The following SLC30A7 variants were observed in gnomAD, a reference collection of about 807,000 sequenced individuals.
The protein encoded by SLC30A7 is solute carrier family 30 member 7, also known as zinc transporter 7.
SLC30A7 carries 35 observed loss-of-function variants against 46.0 expected under a neutral mutation model. That is an observed-to-expected ratio of 0.76 (90% CI 0.58 to 1.01). SLC30A7 has a LOEUF of 1.01. Ranked by LOEUF, SLC30A7 falls within the 50% of genes least tolerant of loss-of-function variation. The pLI is 0.00. For missense variants in SLC30A7, 464 were observed against 451.1 expected (o/e 1.03, Z -0.26); for synonymous variants, 147 against 157.8 (o/e 0.93, Z 0.51).
intron 8 of SLC30A7, among the ~76,000 whole-genome samples, chr1:100,950,730 A>T (rs2101070011): frequency 6.6e-6 from 1 of 152,338 alleles, no homozygotes; most frequent in African/African-American, 2.4e-5. Context: ...CCACAAAGTC[A>T]CTTTTATAAC....
rs977625888 is a variant in SLC30A7, at chr1:100,979,067, A to G, written c.*4210A>G. On this transcript the variant is annotated 3_prime_UTR_variant, in exon 11 of 11. Transcript: ENST00000357650. ...CACTGGAAAAGCTTTTGCATTTTAA[A>G]GATTTTTAGAGCCATGCAAAACTGG... The G allele has an allele frequency of 9.2e-5, 14 of 152,154 alleles. No homozygotes were observed. Among genetic ancestry groups the G allele is most frequent in the Non-Finnish European group, 1.9e-4 (13 of 68,014 alleles). 9.4% of individuals were successfully genotyped at this position (152,154 alleles called of 1,614,324 possible). A position where few individuals can be genotyped will look rare whatever the true frequency, so the allele number is the denominator to read the frequency against.
At chr1:100,905,439 T>A (rs530207186) in intron 2 of SLC30A7, among the ~76,000 whole-genome samples, 1 of 152,246 alleles carries the variant, frequency 6.6e-6, no homozygotes, top group African/African-American at 2.4e-5. Flanking sequence ...TATTTTCTTT[T>A]ATGAATTTCA....
In SLC30A7 at chr1:100,932,683, G is replaced by T. The variant is rs190373418; in HGVS notation, c.842+10842G>T. ...TAGGTTCATTTAAGGAAACTTACTG[G>T]GAGTGTGTTAGAGTGTTCTAGAGAA... On this transcript the variant is annotated intron_variant, in intron 8 of 10. Transcript: ENST00000357650. 1.2e-4 allele frequency among the ~76,000 whole-genome samples: 19 copies of T among 152,218 alleles called. No individual in the cohort carries two copies. In the East Asian group the frequency reaches 2.5e-3, roughly 20 times the overall value.
At chr1:100,952,949 G>A (rs1038827030) in intron 8 of SLC30A7, among the ~76,000 whole-genome samples, 9 of 152,166 alleles carry the variant, frequency 5.9e-5, no homozygotes, top group African/African-American at 1.9e-4. Context: ...TTGGATTTGT[G>A]TCCCTACTCA....
chr1:100,902,548 T>C (rs1445147892), intron 2 of SLC30A7, among the ~76,000 whole-genome samples: 8 of 152,182 alleles, frequency 5.3e-5, no homozygotes, highest in Admixed American at 5.2e-4. Context: ...CAGAAATTTA[T>C]TGTCTCACAG....
In SLC30A7 at chr1:100,896,240, C is replaced by T. The variant is rs746802781; in HGVS notation, c.-23C>T. ...AGCCACTTCTAGAGGGGAGTAGACC[C>T]GGCCCTTCGCCGGGCAGAGAAGATG... On this transcript the variant is annotated 5_prime_UTR_variant, in exon 1 of 11. Coordinates refer to ENST00000357650, the MANE Select transcript of SLC30A7 (RefSeq NM_133496.5). 7 of 1,612,450 alleles carry T rather than the reference C, an allele frequency of 4.3e-6. No individual in the cohort carries two copies. In the South Asian group the frequency reaches 6.6e-5, roughly 15 times the overall value.
chr1:100,916,692 T>TATTC (rs1216058901), intron 6 of SLC30A7, among the ~76,000 whole-genome samples: 5 of 149,800 alleles, frequency 3.3e-5, no homozygotes, highest in Non-Finnish European at 5.9e-5. Flanking sequence ...TAGTAAATCT[T>TATTC]ATTCATTCAT....
rs954806242 is a variant in SLC30A7 at position 100,916,180 on chromosome 1, A to ATTAT, written c.656-1878_656-1875dup. Among the ~76,000 whole-genome samples, 71 of 150,388 alleles carry ATTAT rather than the reference A, an allele frequency of 4.7e-4. No individual in the cohort carries two copies. In the East Asian group the frequency reaches 0.01, roughly 22 times the overall value. ...GGGTACATAGTAGCTGTATATTCTTATTATTTATTTATTTATTTATTTTTG... is the reference window on the plus strand; with the variant it reads ...GGGTACATAGTAGCTGTATATTCTTATTATTTATTTATTTATTTATTTATTTTTG... On this transcript the variant is annotated intron_variant, in intron 6 of 10. Coordinates refer to ENST00000357650, the MANE Select transcript of SLC30A7 (RefSeq NM_133496.5).
chr1:100,962,766 A>C (rs989775653), intron 9 of SLC30A7, among the ~76,000 whole-genome samples: 7 of 152,230 alleles, frequency 4.6e-5, no homozygotes, highest in African/African-American at 1.7e-4. Context: ...TATGAAGAGA[A>C]CATATTCTAG....
intron 6 of SLC30A7, among the ~76,000 whole-genome samples, chr1:100,916,903 G>A (rs1434328373): frequency 6.6e-6 from 1 of 151,822 alleles, no homozygotes; most frequent in Non-Finnish European, 1.5e-5. Flanking sequence ...TTAAAATCAG[G>A]TTATTTATTT....
chr1:100,965,306 A>T (rs1464490007), intron 9 of SLC30A7, among the ~76,000 whole-genome samples: 2 of 152,174 alleles, frequency 1.3e-5, no homozygotes, highest in Admixed American at 6.5e-5. Flanking sequence ...GCTCCTCCAG[A>T]TCAATATGGG....
intron 8 of SLC30A7, among the ~76,000 whole-genome samples, chr1:100,936,568 C>T (rs1322573248): frequency 6.6e-6 from 1 of 152,130 alleles, no homozygotes; most frequent in East Asian, 1.9e-4. Flanking sequence ...CTAATGTCTA[C>T]CTTTTCAAAA....
At chr1:100,900,629 T>A (rs1252383405) in intron 2 of SLC30A7, among the ~76,000 whole-genome samples, 1 of 152,164 alleles carries the variant, frequency 6.6e-6, no homozygotes, top group African/African-American at 2.4e-5. Flanking sequence ...TTTTTTAAAG[T>A]AAGGGACTAT....
At chr1:100,924,826 A>G (rs1324304475) in intron 8 of SLC30A7, among the ~76,000 whole-genome samples, 1 of 152,166 alleles carries the variant, frequency 6.6e-6, no homozygotes, top group African/African-American at 2.4e-5. Context: ...ATAAATAAGT[A>G]AACATACACA....
In SLC30A7 at chr1:100,970,815, A is replaced by G. The variant is rs7535094; in HGVS notation, c.1084-3995A>G. On this transcript the variant is annotated intron_variant, in intron 10 of 10. Coordinates refer to ENST00000357650, the MANE Select transcript of SLC30A7 (RefSeq NM_133496.5). ...CATAACTGTAATCCTAAAAATTTTA[A>G]TATACCTTTTTTGTTAGAAATAATG... 9.4e-3 allele frequency among the ~76,000 whole-genome samples: 1,425 copies of G among 152,112 alleles called. 16 individuals carry two copies. The highest frequency in any genetic ancestry group is 0.033 in the African/African-American group (1,365 of 41,510).
intron 8 of SLC30A7, among the ~76,000 whole-genome samples, chr1:100,960,142 C>T (rs1372335501): frequency 6.6e-6 from 1 of 152,214 alleles, no homozygotes; most frequent in Non-Finnish European, 1.5e-5. Flanking sequence ...CTATCCTCAT[C>T]ACTGCCATCT....
the SLC30A7 span, among the ~76,000 whole-genome samples, chr1:100,988,050 T>C: frequency 2.6e-5 from 4 of 152,222 alleles, no homozygotes; most frequent in African/African-American, 9.6e-5. Context: ...GCCTTCCAAC[T>C]GTGGCTTTCC....
intron 8 of SLC30A7, among the ~76,000 whole-genome samples, chr1:100,940,691 A>G (rs1392725661): frequency 6.6e-6 from 1 of 152,252 alleles, no homozygotes; most frequent in East Asian, 1.9e-4. Flanking sequence ...ATTCAGTGTC[A>G]TGATCGGACT....
At chr1:100,902,727 C>T (rs1271705656) in intron 2 of SLC30A7, among the ~76,000 whole-genome samples, 1 of 152,180 alleles carries the variant, frequency 6.6e-6, no homozygotes, top group Non-Finnish European at 1.5e-5. Flanking sequence ...CTTATCTTCG[C>T]ATTGTGATCT....
Sources: gnomAD v4.1 joint callset for allele counts (sites outside exome capture counted in the v4.1 genomes callset) on GRCh38, gnomAD v4.1.1 for gene constraint, MANE v1.5 for transcripts, NCBI Gene and HGNC (gene_info 2026-07-23, HGNC 2026-07-21) for gene names.